The following SNAP47 variants were observed in gnomAD, a reference collection of about 807,000 sequenced individuals.
SNAP47 encodes the protein synaptosomal-associated protein 47.
SNAP47 carries 20 observed loss-of-function variants against 31.4 expected under a neutral mutation model. That is an observed-to-expected ratio of 0.64 (90% CI 0.45 to 0.93). SNAP47 has a LOEUF of 0.93. SNAP47 is among the 40% of genes least tolerant of loss of function. The probability of loss-of-function intolerance (pLI) is 0.00; values close to 1 mark genes in which losing one functional copy is unlikely to be tolerated. For missense variants in SNAP47, 492 were observed against 528.5 expected (o/e 0.93, Z 0.68); for synonymous variants, 194 against 213.4 (o/e 0.91, Z 0.79).
rs183965723 is a variant in SNAP47 at position 227,772,642 on chromosome 1, C to T, written c.1113+5559C>T. 6.4e-4 allele frequency among the ~76,000 whole-genome samples: 97 copies of T among 152,292 alleles called. 2 individuals are homozygous for T. In the East Asian group the frequency reaches 0.014, roughly 22 times the overall value. ...TATCAAGGGAAATGCTCTAAGACCC[C>T]TAGATCATAAAGCTTTACCCCCATG... On this transcript the variant is annotated intron_variant, in intron 4 of 4. Coordinates refer to ENST00000617596, the MANE Select transcript of SNAP47 (RefSeq NM_053052.4).
chr1:227,774,152 C>T (rs1208752310), intron 4 of SNAP47, among the ~76,000 whole-genome samples: 1 of 152,166 alleles, frequency 6.6e-6, no homozygotes, highest in Non-Finnish European at 1.5e-5. Flanking sequence ...GGAGAATGGG[C>T]TCCTGCGGTT....
At chr1:227,754,535 C>T (rs1662576821) in intron 2 of SNAP47, among the ~76,000 whole-genome samples, 1 of 152,156 alleles carries the variant, frequency 6.6e-6, no homozygotes, top group Non-Finnish European at 1.5e-5. Context: ...TTAAAGGGAC[C>T]ACGCCCTTCC....
intron 4 of SNAP47, 108 bp downstream of exon 4, chr1:227,767,191 T>C (rs1457873570): frequency 1.3e-6 from 2 of 1,490,534 alleles, no homozygotes; most frequent in Non-Finnish European, 1.8e-6. Context: ...TCCATCCGTA[T>C]TGGCCTCGCA....
upstream of SNAP47, chr1:227,734,925 C>T (rs1660972101): frequency 1.3e-6 from 2 of 1,527,388 alleles, no homozygotes; most frequent in African/African-American, 1.4e-5. Flanking sequence ...CTCACCCTCC[C>T]TGGTGCCCCT....
chr1:227,751,841 G>A (rs1393219312), intron 2 of SNAP47, among the ~76,000 whole-genome samples: 1 of 126,482 alleles, frequency 7.9e-6, no homozygotes, highest in Non-Finnish European at 1.6e-5. Context: ...TCTGCTCACT[G>A]CAAACTCCGC....
At chr1:227,768,372 TG>T (rs922378855) in intron 4 of SNAP47, 1 of 980,578 alleles carries the variant, frequency 1.0e-6, no homozygotes, top group African/African-American at 1.7e-5. Flanking sequence ...CAGGTGGGTC[TG>T]GGGCTCTGTC....
chr1:227,745,013 C>A (rs1007012188), intron 1 of SNAP47, among the ~76,000 whole-genome samples: 1 of 152,194 alleles, frequency 6.6e-6, no homozygotes, highest in African/African-American at 2.4e-5. Flanking sequence ...GGAAGCGTGC[C>A]AGGATCTGTG....
intron 3 of SNAP47, 51 bp downstream of exon 3, chr1:227,759,536 G>A (rs745634947): frequency 1.0e-5 from 16 of 1,582,114 alleles, no homozygotes; most frequent in African/African-American, 1.3e-5. Context: ...TAAAATTACA[G>A]GCAGACTCAG....
intron 4 of SNAP47, chr1:227,776,721 T>G (rs1309666140): frequency 1.0e-6 from 1 of 985,364 alleles, no homozygotes; most frequent in Non-Finnish European, 1.2e-6. Context: ...ACTAGCAGTT[T>G]GAAGGTTCGC....
chr1:227,752,382 G>A (rs1429545033), intron 2 of SNAP47, among the ~76,000 whole-genome samples: 2 of 152,032 alleles, frequency 1.3e-5, no homozygotes, highest in Admixed American at 6.5e-5. Context: ...AACTGAAGCT[G>A]GTGCCCTTGG....
At chr1:227,732,631 G>A (rs1431865007), upstream of SNAP47, 1 of 1,613,470 alleles carries the variant, frequency 6.2e-7, no homozygotes. Flanking sequence ...TTGAGGAAGT[G>A]GTAAAACTCT....
chr1:227,728,383 C>CT (rs1015996046), upstream of SNAP47, among the ~76,000 whole-genome samples: 6 of 152,036 alleles, frequency 3.9e-5, no homozygotes, highest in Non-Finnish European at 7.4e-5. Flanking sequence ...CAGAAGGGAC[C>CT]TGAAGCCAGG....
At chr1:227,737,122 C>T (rs546808918) in intron 1 of SNAP47, among the ~76,000 whole-genome samples, 3 of 152,120 alleles carry the variant, frequency 2.0e-5, no homozygotes, top group Non-Finnish European at 4.4e-5. Context: ...GATTTTCGGC[C>T]AGGACACGAA....
At position 227,735,742 on chromosome 1, in the gene SNAP47, A is replaced by G. The variant is rs141711503; in HGVS notation, c.-46+243A>G. 6,770 of 979,910 alleles carry G rather than the reference A, an allele frequency of 6.9e-3. 288 individuals carry two copies. In the African/African-American group the frequency reaches 0.098, roughly 14 times the overall value. 60.7% of individuals were successfully genotyped at this position (979,910 alleles called of 1,614,324 possible). A position where few individuals can be genotyped will look rare whatever the true frequency, so the allele number is the denominator to read the frequency against. ...ACCCGGAGAGAACGGTGGGACCCAG[A>G]GGGAGAGCTGGGGGGCCCTGGGATG... On this transcript the variant is annotated intron_variant, in intron 1 of 4. Transcript: ENST00000617596.
chr1:227,777,184 A>G (rs1664211876), intron 4 of SNAP47: 1 of 712,748 alleles, frequency 1.4e-6, no homozygotes, highest in South Asian at 6.3e-5. Context: ...GGTTGAGAAT[A>G]ATTGTACATA....
upstream of SNAP47, chr1:227,734,970 C>T: frequency 6.7e-7 from 1 of 1,503,560 alleles, no homozygotes; most frequent in Non-Finnish European, 8.9e-7. Context: ...TGGGTCCCGC[C>T]GGCCTTTCCT....
rs1167267324 is a variant in SNAP47 at position 227,741,414 on chromosome 1, G to T, written c.-46+5915G>T. ...CCAGGGTGCAGTGACTCTCAGCAAGGCCCCTTGGCTCATGGGCCAGGTCCA... is the reference window on the plus strand; with the variant it reads ...CCAGGGTGCAGTGACTCTCAGCAAGTCCCCTTGGCTCATGGGCCAGGTCCA... On this transcript the variant is annotated intron_variant, in intron 1 of 4. Coordinates refer to ENST00000617596, the MANE Select transcript of SNAP47 (RefSeq NM_053052.4). The surrounding 1 kb of genome is among the most constrained non-coding windows in gnomAD (Gnocchi z 4.2). 6.6e-6 allele frequency among the ~76,000 whole-genome samples: 1 copy of T among 152,144 alleles called. No homozygotes were observed. Among genetic ancestry groups the T allele is most frequent in the African/African-American group, 2.4e-5 (1 of 41,408 alleles).
chr1:227,760,493 C>T (rs533611761), intron 3 of SNAP47, among the ~76,000 whole-genome samples: 1 of 152,334 alleles, frequency 6.6e-6, no homozygotes, highest in South Asian at 2.1e-4. Context: ...TGTGAATGCT[C>T]AGCTGGCCTG....
intron 2 of SNAP47, among the ~76,000 whole-genome samples, chr1:227,749,208 G>T (rs140469207): frequency 2.0e-5 from 3 of 151,846 alleles, no homozygotes; most frequent in Admixed American, 6.6e-5. Context: ...TTTTTGTCGC[G>T]GTCGTTTTTC....
Sources: allele counts gnomAD v4.1 joint callset (sites outside exome capture counted in the v4.1 genomes callset), GRCh38; gene constraint gnomAD v4.1.1; non-coding constraint Gnocchi (gnomAD v3.1); transcripts MANE v1.5; gene names NCBI Gene and HGNC (gene_info 2026-07-23, HGNC 2026-07-21).